The following RTN1 variants were observed in gnomAD, a reference collection of about 807,000 sequenced individuals.
The protein encoded by RTN1 is reticulon-1.
A neutral mutation model predicts 65.5 loss-of-function variants in RTN1; 25 were observed. That is an observed-to-expected ratio of 0.38 (90% confidence interval 0.28 to 0.53). The LOEUF is 0.53. Ranked by LOEUF, RTN1 falls within the 20% of genes least tolerant of loss-of-function variation. The probability of loss-of-function intolerance (pLI) is 0.79; values close to 1 mark genes in which losing one functional copy is unlikely to be tolerated. For missense variants in RTN1, 983 were observed against 1,025.4 expected (o/e 0.96, Z 0.57); for synonymous variants, 471 against 447.6 (o/e 1.05, Z -0.66).
chr14:59,808,806 C>T (rs913447952), intron 1 of RTN1, among the ~76,000 whole-genome samples: 1 of 152,010 alleles, frequency 6.6e-6, no homozygotes, highest in Non-Finnish European at 1.5e-5. Context: ...AAGTGTGTGG[C>T]ACCTCCCCCT....
chr14:59,744,065 A>C (rs1885167501), intron 2 of RTN1, among the ~76,000 whole-genome samples: 1 of 152,174 alleles, frequency 6.6e-6, no homozygotes, highest in African/African-American at 2.4e-5. Flanking sequence ...AATGAGTCTG[A>C]AGGAACTTTG....
In RTN1 at chr14:59,749,591, A is replaced by ATATT. The variant is rs1254632828; in HGVS notation, c.242-3111_242-3110insAATA. On this transcript the variant is annotated intron_variant, in intron 1 of 8. Coordinates refer to ENST00000267484, the MANE Select transcript of RTN1 (RefSeq NM_021136.3). ...TAGATATATATATATAGATATTTAT[A>ATATT]TATATATCTATCTATATATATTTAT... Among the ~76,000 whole-genome samples, 2 of 42,356 alleles carry ATATT rather than the reference A, an allele frequency of 4.7e-5. 1 individual carries two copies. Among genetic ancestry groups the ATATT allele is most frequent in the Non-Finnish European group, 7.1e-5 (2 of 28,036 alleles). The allele number at this position is 42,356 out of a possible 152,430, so 27.8% of individuals were successfully genotyped here.
intron 3 of RTN1, among the ~76,000 whole-genome samples, chr14:59,672,062 T>G (rs1055598573): frequency 5.3e-5 from 8 of 152,214 alleles, no homozygotes; most frequent in Non-Finnish European, 1.2e-4. Context: ...CAGCCTTGCC[T>G]TCTCTCTTGG....
chr14:59,763,147 C>A (rs139538158), intron 1 of RTN1, among the ~76,000 whole-genome samples: 1 of 152,156 alleles, frequency 6.6e-6, no homozygotes, highest in Non-Finnish European at 1.5e-5. Flanking sequence ...TCTCTCTCCC[C>A]GTGTACTCAA....
intron 3 of RTN1, among the ~76,000 whole-genome samples, chr14:59,652,543 C>T (rs1883041273): frequency 1.3e-5 from 2 of 152,226 alleles, no homozygotes; most frequent in Non-Finnish European, 1.5e-5. Flanking sequence ...ACGAATGGAG[C>T]TGGAGGCCAT....
At chr14:59,620,669 CAT>C (rs1882232243) in intron 3 of RTN1, among the ~76,000 whole-genome samples, 1 of 152,046 alleles carries the variant, frequency 6.6e-6, no homozygotes, top group Admixed American at 6.6e-5. Flanking sequence ...GGTCTAGAAA[CAT>C]ACAATAAGGC....
chr14:59,622,728 C>T (rs1336497702), intron 3 of RTN1, among the ~76,000 whole-genome samples: 1 of 152,186 alleles, frequency 6.6e-6, no homozygotes, highest in Non-Finnish European at 1.5e-5. Context: ...AACATAGAGA[C>T]CTTCAAAGAT....
At chr14:59,618,232 G>A (rs1206270793) in intron 3 of RTN1, among the ~76,000 whole-genome samples, 2 of 152,152 alleles carry the variant, frequency 1.3e-5, no homozygotes, top group Non-Finnish European at 2.9e-5. Flanking sequence ...GCCATAAGAT[G>A]AGAAATTATG....
At chr14:59,747,878 GAAGAA>G (rs1434154719) in intron 1 of RTN1, among the ~76,000 whole-genome samples, 3 of 152,074 alleles carry the variant, frequency 2.0e-5, no homozygotes, top group African/African-American at 7.2e-5. Context: ...AGACACACCT[GAAGAA>G]TAGACTAGAG....
chr14:59,847,574 G>A (rs116864787), intron 1 of RTN1, among the ~76,000 whole-genome samples: 2 of 152,294 alleles, frequency 1.3e-5, no homozygotes, highest in East Asian at 3.9e-4. Context: ...TATTTAAAAT[G>A]TGTGTCATTT....
At chr14:59,819,970 G>A (rs1886910529) in intron 1 of RTN1, among the ~76,000 whole-genome samples, 1 of 152,184 alleles carries the variant, frequency 6.6e-6, no homozygotes, top group Admixed American at 6.5e-5. Context: ...TCTGGCCTTG[G>A]CCAGCCCAGA....
chr14:59,719,642 T>C (rs9323355), intron 3 of RTN1, among the ~76,000 whole-genome samples: 60,532 of 152,114 alleles, frequency 0.4, 12,454 homozygotes, highest in Admixed American at 0.5. Flanking sequence ...ATGTATTGTA[T>C]TTTTGTATTG....
chr14:59,746,477 C>G lies in RTN1; in HGVS notation c.246G>C (p.Val82=), dbSNP rs1184625806. The G allele has an allele frequency of 6.3e-7, 1 of 1,578,276 alleles. No individual in the cohort carries two copies. The highest frequency in any genetic ancestry group is 8.6e-7 in the Non-Finnish European group (1 of 1,164,184). The change falls in exon 2 of 9, where the codon GTG becomes GTC. Residue 82 remains valine, a synonymous_variant. Transcript: ENST00000267484. ...GGTCCATGGCACTGGAAACACCTGC[C>G]ACACCTATGAATCAAAGCAGCAGCA... ...PVAMETASTG[V]AGVSSAMDHT...
intron 3 of RTN1, among the ~76,000 whole-genome samples, chr14:59,641,389 A>G (rs1882777561): frequency 6.6e-6 from 1 of 152,146 alleles, no homozygotes; most frequent in East Asian, 1.9e-4. Context: ...TTTGTTTTTG[A>G]GACAGAGTTT....
rs754298335 is a variant in RTN1 at position 59,849,398 on chromosome 14, A to G, written c.241+20992T>C. ...AACCAATTAACTCCCTGATATTGCT[A>G]TCTAAACACTGCATTTGCAAATCTC... On this transcript the variant is annotated intron_variant, in intron 1 of 8. Coordinates refer to ENST00000267484, the MANE Select transcript of RTN1 (RefSeq NM_021136.3). The surrounding 1 kb of genome is among the most constrained non-coding windows in gnomAD (Gnocchi z 4.5). Among the ~76,000 whole-genome samples, 42 of 152,206 alleles carry G rather than the reference A, an allele frequency of 2.8e-4. No individual in the cohort carries two copies. Among genetic ancestry groups the G allele is most frequent in the Non-Finnish European group, 5.7e-4 (39 of 68,034 alleles).
intron 1 of RTN1, among the ~76,000 whole-genome samples, chr14:59,845,867 T>C (rs888330622): frequency 6.6e-6 from 1 of 152,064 alleles, no homozygotes; most frequent in East Asian, 1.9e-4. Context: ...AAAGAAGCTA[T>C]TTAGGCAGCT....
chr14:59,656,180 T>G (rs1207031307), intron 3 of RTN1, among the ~76,000 whole-genome samples: 1 of 151,942 alleles, frequency 6.6e-6, no homozygotes, highest in Non-Finnish European at 1.5e-5. Context: ...AAGGCAAGTT[T>G]ATAAAGATGG....
At chr14:59,668,221 A>G (rs1471193758) in intron 3 of RTN1, among the ~76,000 whole-genome samples, 1 of 152,232 alleles carries the variant, frequency 6.6e-6, no homozygotes, top group Non-Finnish European at 1.5e-5. Context: ...AGGCTACAGT[A>G]ACCAAGACAG....
At chr14:59,749,184 CTATCTATATA>C (rs1566711034) in intron 1 of RTN1, among the ~76,000 whole-genome samples, 1,333 of 59,066 alleles carry the variant, frequency 0.023, 243 homozygotes, top group Middle Eastern at 0.041. Flanking sequence ...ATCTATATAT[CTATCTATATA>C]TATCTATATA....
Sources: allele counts gnomAD v4.1 joint callset (sites outside exome capture counted in the v4.1 genomes callset), GRCh38; gene constraint gnomAD v4.1.1; non-coding constraint Gnocchi (gnomAD v3.1); transcripts MANE v1.5; gene names NCBI Gene and HGNC (gene_info 2026-07-23, HGNC 2026-07-21).